The following PTPRM variants were observed in gnomAD, a reference collection of about 807,000 sequenced individuals.
The protein encoded by PTPRM is receptor-type tyrosine-protein phosphatase mu.
In PTPRM, 47 loss-of-function variants were observed where a neutral mutation model predicts 186.7. The ratio of observed to expected loss-of-function variants is 0.25; its 90% CI spans 0.20 to 0.32. The LOEUF (loss-of-function observed/expected upper bound fraction) is 0.32, where lower values mean the gene tolerates loss of function less well. Ranked by LOEUF, PTPRM falls within the 10% of genes least tolerant of loss-of-function variation. The pLI, the probability that PTPRM is intolerant of heterozygous loss-of-function variation, is 1.00. For missense variants in PTPRM, 1,494 were observed against 1,865.0 expected, an observed-to-expected ratio of 0.80 and a Z score of 3.66; for synonymous variants, 668 against 674.9, an observed-to-expected ratio of 0.99 and a Z score of 0.16.
At chr18:7,714,176 C>T (rs1357141924) in intron 1 of PTPRM, among the ~76,000 whole-genome samples, 2 of 152,128 alleles carry the variant, frequency 1.3e-5, no homozygotes, top group Non-Finnish European at 2.9e-5. Context: ...TCTCTCAGAC[C>T]ACAGTGCAAT....
intron 1 of PTPRM, among the ~76,000 whole-genome samples, chr18:7,722,183 C>T (rs1274816219): frequency 6.6e-6 from 1 of 152,186 alleles, no homozygotes; most frequent in Non-Finnish European, 1.5e-5. Flanking sequence ...TCTCTGGCAA[C>T]CACTAATCTG....
In PTPRM at chr18:7,897,743, C is replaced by T. The variant is rs141528441; in HGVS notation, c.469-8762C>T. Among the ~76,000 whole-genome samples, 496 of 152,152 alleles carry T rather than the reference C, an allele frequency of 3.3e-3. 4 individuals are homozygous for T. The highest frequency in any genetic ancestry group is 0.011 in the African/African-American group (451 of 41,540). The stretch of plus-strand genomic sequence containing the variant: ...CCATCTTAATCTCTGCGTGGTCTGC[C>T]GCTATATGCATATCAACCCTGTTCT... On this transcript the variant is annotated intron_variant, in intron 3 of 32. Coordinates refer to ENST00000580170, the MANE Select transcript of PTPRM (RefSeq NM_001105244.2).
intron 14 of PTPRM, among the ~76,000 whole-genome samples, chr18:8,208,426 A>T (rs552380063): frequency 6.6e-6 from 1 of 152,302 alleles, no homozygotes; most frequent in African/African-American, 2.4e-5. Flanking sequence ...TAAAATAAGT[A>T]GCTTATTTGT....
intron 3 of PTPRM, among the ~76,000 whole-genome samples, chr18:7,892,028 T>A (rs1028355165): frequency 2.0e-5 from 3 of 152,180 alleles, no homozygotes; most frequent in Non-Finnish European, 4.4e-5. Flanking sequence ...AAGACAGGGA[T>A]CTGGAATGTT....
chr18:8,321,434 G>A (rs1376662467), intron 22 of PTPRM, among the ~76,000 whole-genome samples: 1 of 152,042 alleles, frequency 6.6e-6, no homozygotes, highest in East Asian at 1.9e-4. Flanking sequence ...CTCTCCCCCT[G>A]TAAGAGATTA....
At chr18:7,986,244 G>A (rs1035405964) in intron 7 of PTPRM, among the ~76,000 whole-genome samples, 1 of 152,134 alleles carries the variant, frequency 6.6e-6, no homozygotes. Context: ...TCAGACTAAC[G>A]CATACAAGAA....
intron 13 of PTPRM, among the ~76,000 whole-genome samples, chr18:8,136,024 T>C (rs1184247953): frequency 6.6e-6 from 1 of 152,116 alleles, no homozygotes; most frequent in East Asian, 1.9e-4. Flanking sequence ...TGTTAAGAGG[T>C]AAACACGAGG....
chr18:8,155,077 T>C (rs1485655066), intron 14 of PTPRM: 2 of 152,122 alleles, frequency 1.3e-5, no homozygotes, highest in African/African-American at 2.4e-5. Context: ...CACGGGGCAA[T>C]GTACTCTCAA....
chr18:7,650,448 C>G lies in PTPRM; in HGVS notation c.73+82557C>G, dbSNP rs1346054289. Among the ~76,000 whole-genome samples, 6 of 139,232 alleles carry G rather than the reference C, an allele frequency of 4.3e-5. 1 individual carries two copies. The highest frequency in any genetic ancestry group is 4.7e-4 in the East Asian group (2 of 4,300). The allele number at this position is 139,232 out of a possible 152,430, so 91.3% of individuals were successfully genotyped here. On this transcript the variant is annotated intron_variant, in intron 1 of 32. Transcript: ENST00000580170. ...AAACAATATACAACTTTCAAATCCC[C>G]CCCCCCCCCACTGTAATTTATTGTG...
chr18:7,859,114 C>A (rs527539681), intron 2 of PTPRM, among the ~76,000 whole-genome samples: 1 of 152,240 alleles, frequency 6.6e-6, no homozygotes, highest in East Asian at 1.9e-4. Flanking sequence ...TACTGATATT[C>A]CCAGTTTTGT....
At chr18:8,269,548 T>A (rs1199403321) in intron 19 of PTPRM, among the ~76,000 whole-genome samples, 1 of 151,942 alleles carries the variant, frequency 6.6e-6, no homozygotes, top group Non-Finnish European at 1.5e-5. Flanking sequence ...TTCTAAAATT[T>A]GTATGGAACT....
chr18:7,733,906 T>C (rs1049884300), intron 1 of PTPRM, among the ~76,000 whole-genome samples: 4 of 152,204 alleles, frequency 2.6e-5, no homozygotes, highest in Middle Eastern at 3.2e-3. Context: ...ACAAAACATC[T>C]GGTGTAAACC....
chr18:7,961,867 T>C (rs1388675211), intron 7 of PTPRM, among the ~76,000 whole-genome samples: 3 of 152,242 alleles, frequency 2.0e-5, no homozygotes, highest in Non-Finnish European at 2.9e-5. Context: ...TAGAGCTATA[T>C]ATTTGTCTGC....
intron 23 of PTPRM, among the ~76,000 whole-genome samples, chr18:8,367,497 G>A (rs2095638367): frequency 6.6e-6 from 1 of 152,262 alleles, no homozygotes; most frequent in Non-Finnish European, 1.5e-5. Context: ...CGCTTCGCTG[G>A]GAGAGCGGCG....
At chr18:8,245,611 C>T (rs1475949800) in intron 15 of PTPRM, among the ~76,000 whole-genome samples, 1 of 152,120 alleles carries the variant, frequency 6.6e-6, no homozygotes, top group Non-Finnish European at 1.5e-5. Flanking sequence ...ATGATGCATT[C>T]GTTGTGGGCT....
chr18:7,842,947 T>TATATATATATATAGAGAGAGAGAGAG (rs370746043), intron 2 of PTPRM, among the ~76,000 whole-genome samples: 9 of 112,112 alleles, frequency 8.0e-5, no homozygotes, highest in African/African-American at 3.4e-4. Flanking sequence ...TATATATATA[T>TATATATATATATAGAGAGAGAGAGAG]AGAGAGAGAG....
chr18:7,807,944 C>T (rs1053596182), intron 2 of PTPRM, among the ~76,000 whole-genome samples: 12 of 152,152 alleles, frequency 7.9e-5, no homozygotes, highest in Admixed American at 2.0e-4. Flanking sequence ...TTATTTTTTA[C>T]TCCTCGGATT....
At chr18:8,203,646 G>T (rs1339650661) in intron 14 of PTPRM, among the ~76,000 whole-genome samples, 1 of 152,156 alleles carries the variant, frequency 6.6e-6, no homozygotes, top group Non-Finnish European at 1.5e-5. Context: ...GGTGATACAT[G>T]CTAAAGTATT....
At chr18:7,711,550 C>G (rs1226341312) in intron 1 of PTPRM, among the ~76,000 whole-genome samples, 1 of 152,224 alleles carries the variant, frequency 6.6e-6, no homozygotes, top group Non-Finnish European at 1.5e-5. Flanking sequence ...TGGATCCCAC[C>G]TCCACAGAGC....
Sources: allele counts gnomAD v4.1 joint callset (sites outside exome capture counted in the v4.1 genomes callset), GRCh38; gene constraint gnomAD v4.1.1; transcripts MANE v1.5; gene names NCBI Gene and HGNC (gene_info 2026-07-23, HGNC 2026-07-21).